TMEM233: variants seen among roughly 807,000 people sequenced by gnomAD.
The protein encoded by TMEM233 is dispanin subfamily B member 2.
TMEM233 carries 6 observed loss-of-function variants against 11.2 expected under a neutral mutation model. The observed-to-expected ratio is 0.54, with a 90% CI of 0.29 to 1.06. The LOEUF (loss-of-function observed/expected upper bound fraction) is 1.06, where lower values mean the gene tolerates loss of function less well. Ranked by LOEUF, TMEM233 falls within the 50% of genes least tolerant of loss-of-function variation. TMEM233 has a pLI of 0.08. For missense variants in TMEM233, 127 were observed against 144.7 expected, an observed-to-expected ratio of 0.88 and a Z score of 0.63; for synonymous variants, 59 against 55.8, an observed-to-expected ratio of 1.06 and a Z score of -0.26.
At chr12:119,610,416 T>G (rs1954370561) in intron 1 of TMEM233, among the ~76,000 whole-genome samples, 1 of 152,158 alleles carries the variant, frequency 6.6e-6, no homozygotes, top group Non-Finnish European at 1.5e-5. Context: ...TTTTGTGTCT[T>G]GAAATGTGAG....
At chr12:119,606,394 AGAT>A (rs1178627858) in intron 1 of TMEM233, among the ~76,000 whole-genome samples, 1 of 152,176 alleles carries the variant, frequency 6.6e-6, no homozygotes, top group Non-Finnish European at 1.5e-5. Context: ...AAAGGAATGA[AGAT>A]GATGAGGATG....
chr12:119,603,852 C>CCTACCTTTAT (rs1566098020), intron 1 of TMEM233, among the ~76,000 whole-genome samples: 1 of 152,226 alleles, frequency 6.6e-6, no homozygotes, highest in Non-Finnish European at 1.5e-5. Flanking sequence ...AAAGTCTGCT[C>CCTACCTTTAT]CTACCTTTAT....
At chr12:119,644,094 A>G (rs1391280060), downstream of TMEM233, among the ~76,000 whole-genome samples, 1 of 152,210 alleles carries the variant, frequency 6.6e-6, no homozygotes, top group Non-Finnish European at 1.5e-5. Flanking sequence ...ATTCAATATA[A>G]TGAACAACTG....
the TMEM233 span, among the ~76,000 whole-genome samples, chr12:119,654,276 T>C: frequency 6.6e-6 from 1 of 152,162 alleles, no homozygotes; most frequent in Non-Finnish European, 1.5e-5. Flanking sequence ...AAAATAAAGA[T>C]ATTTTTAGTT....
At chr12:119,646,251 GT>G, downstream of TMEM233, among the ~76,000 whole-genome samples, 1 of 152,246 alleles carries the variant, frequency 6.6e-6, no homozygotes, top group African/African-American at 2.4e-5. Context: ...TAGAGACGGA[GT>G]TTTGCCATGT....
chr12:119,601,867 GGAGT>G (rs765133113), intron 1 of TMEM233, among the ~76,000 whole-genome samples: 1 of 152,216 alleles, frequency 6.6e-6, no homozygotes, highest in East Asian at 1.9e-4. Context: ...CAAAAAGAAG[GGAGT>G]AAGTCAAGAA....
intron 2 of TMEM233, among the ~76,000 whole-genome samples, chr12:119,630,652 C>T (rs1954859983): frequency 6.6e-6 from 1 of 152,170 alleles, no homozygotes. Flanking sequence ...CAGGCAAAGG[C>T]GGGGGAGAGG....
At chr12:119,621,930 A>G (rs1056012288) in intron 1 of TMEM233, among the ~76,000 whole-genome samples, 1 of 152,222 alleles carries the variant, frequency 6.6e-6, no homozygotes, top group Non-Finnish European at 1.5e-5. Context: ...TTTTATATTA[A>G]TCTGTTCCTG....
intron 1 of TMEM233, among the ~76,000 whole-genome samples, chr12:119,619,582 A>C (rs939980798): frequency 1.3e-5 from 2 of 151,842 alleles, no homozygotes; most frequent in African/African-American, 4.8e-5. Flanking sequence ...TTGAGGTTGC[A>C]GTGAGCCAAG....
intron 1 of TMEM233, among the ~76,000 whole-genome samples, chr12:119,613,447 G>A (rs189451320): frequency 5.9e-5 from 9 of 152,288 alleles, no homozygotes; most frequent in African/African-American, 1.2e-4. Flanking sequence ...TGTGACTCGC[G>A]TCAAGAGCAC....
At chr12:119,628,054 C>T (rs190784415) in intron 1 of TMEM233, among the ~76,000 whole-genome samples, 17 of 152,380 alleles carry the variant, frequency 1.1e-4, no homozygotes, top group African/African-American at 4.1e-4. Flanking sequence ...GCTCTCAACA[C>T]GCTACCTATG....
chr12:119,640,471 T>G (rs927827372), intron 2 of TMEM233, among the ~76,000 whole-genome samples: 3 of 152,182 alleles, frequency 2.0e-5, no homozygotes, highest in African/African-American at 7.2e-5. Context: ...TTGCTTTTGT[T>G]TTTTTGCACG....
At chr12:119,607,911 C>T (rs1954316551) in intron 1 of TMEM233, among the ~76,000 whole-genome samples, 1 of 152,158 alleles carries the variant, frequency 6.6e-6, no homozygotes, top group Admixed American at 6.5e-5. Context: ...TCTTATCCAC[C>T]CCAAAAGGTG....
the TMEM233 span, among the ~76,000 whole-genome samples, chr12:119,650,270 C>G: frequency 6.6e-6 from 1 of 152,168 alleles, no homozygotes; most frequent in Non-Finnish European, 1.5e-5. Context: ...ATTAACAACC[C>G]TAGATATAAA....
At chr12:119,627,271 C>CCCTA (rs1954784301) in intron 1 of TMEM233, among the ~76,000 whole-genome samples, 1 of 150,634 alleles carries the variant, frequency 6.6e-6, no homozygotes. Flanking sequence ...GCCTTGCAGG[C>CCCTA]CCTACATTCT....
chr12:119,620,847 A>C (rs1329658838), intron 1 of TMEM233, among the ~76,000 whole-genome samples: 1 of 152,172 alleles, frequency 6.6e-6, no homozygotes, highest in Non-Finnish European at 1.5e-5. Flanking sequence ...AGCAAATTGC[A>C]GAACACATGT....
intron 1 of TMEM233, among the ~76,000 whole-genome samples, chr12:119,612,840 A>C (rs995088260): frequency 1.3e-5 from 2 of 151,946 alleles, no homozygotes; most frequent in African/African-American, 4.8e-5. Flanking sequence ...GGATCACTAG[A>C]GTACAGGAGG....
At chr12:119,619,770 A>T (rs1954606233) in intron 1 of TMEM233, among the ~76,000 whole-genome samples, 1 of 152,176 alleles carries the variant, frequency 6.6e-6, no homozygotes, top group South Asian at 2.1e-4. Context: ...TATTTTGGAC[A>T]TGTTGGATTG....
chr12:119,645,882 T>C (rs1185757175), downstream of TMEM233, among the ~76,000 whole-genome samples: 1 of 152,250 alleles, frequency 6.6e-6, no homozygotes, highest in East Asian at 1.9e-4. Flanking sequence ...GGGGACTAGT[T>C]GTACTAGTTG....
Sources: gnomAD v4.1 joint callset for allele counts (sites outside exome capture counted in the v4.1 genomes callset) on GRCh38, gnomAD v4.1.1 for gene constraint, MANE v1.5 for transcripts, NCBI Gene and HGNC (gene_info 2026-07-23, HGNC 2026-07-21) for gene names.